The following HSDL2 variants were observed in gnomAD, a reference collection of about 807,000 sequenced individuals.
HSDL2 encodes the protein hydroxysteroid dehydrogenase-like protein 2.
A neutral mutation model predicts 46.3 loss-of-function variants in HSDL2; 27 were observed. The ratio of observed to expected loss-of-function variants is 0.58; its 90% confidence interval spans 0.43 to 0.80. The LOEUF (loss-of-function observed/expected upper bound fraction) is 0.80. Among genes scored for constraint, HSDL2 ranks in the 30% least tolerant of loss-of-function variants. The pLI is 0.00. For synonymous variants in HSDL2, 153 were observed against 163.6 expected (o/e 0.94, Z 0.50); for missense variants, 451 against 502.7 (o/e 0.90, Z 0.98).
In HSDL2 at chr9:112,459,487, A is replaced by C. The variant is rs1484405301; in HGVS notation, c.1054A>C (p.Lys352Gln). The C allele has an allele frequency of 6.2e-7, 1 of 1,613,890 alleles. No individual in the cohort carries two copies. The highest frequency in any genetic ancestry group is 1.3e-5 in the African/African-American group (1 of 74,940). Residue 352 changes from lysine to glutamine, a missense_variant, in exon 10 of 11, where the codon AAG becomes CAG. Coordinates refer to ENST00000398805, the MANE Select transcript of HSDL2 (RefSeq NM_032303.5). Reference sequence around the variant, plus strand: ...CACGTGGTTTCTTGATCTGAAAAGCAAGGGTGGGAATGTCGGATATGGAGA... The same window carrying C: ...CACGTGGTTTCTTGATCTGAAAAGCCAGGGTGGGAATGTCGGATATGGAGA... ...GGTWFLDLKS[K>Q]GGNVGYGEPS...
intron 1 of HSDL2, among the ~76,000 whole-genome samples, chr9:112,395,932 C>T (rs372168771): frequency 6.6e-6 from 1 of 152,124 alleles, no homozygotes; most frequent in Admixed American, 6.6e-5. Context: ...AGATTTCCCT[C>T]GTAGAGGAAC....
chr9:112,450,598 C>A, intron 8 of HSDL2, among the ~76,000 whole-genome samples: 1 of 145,214 alleles, frequency 6.9e-6, no homozygotes. Context: ...CACTGCACTC[C>A]AGCCTAGGTG....
intron 2 of HSDL2, 24 bp downstream of exon 2, chr9:112,404,182 T>C: frequency 6.2e-7 from 1 of 1,607,054 alleles, no homozygotes. Flanking sequence ...TGCCATTTGA[T>C]AAAATGTCTT....
chr9:112,408,853 T>C, intron 3 of HSDL2, 54 bp from the exon 4 acceptor site: 4 of 945,840 alleles, frequency 4.2e-6, no homozygotes, highest in Admixed American at 2.0e-5. Context: ...AACGCTTTTT[T>C]TGTGTGTGAT....
At chr9:112,459,052 T>G (rs1388785418) in intron 9 of HSDL2, among the ~76,000 whole-genome samples, 1 of 152,100 alleles carries the variant, frequency 6.6e-6, no homozygotes, top group Non-Finnish European at 1.5e-5. Context: ...TCACCATCTA[T>G]CTCCAGAACT....
intron 8 of HSDL2, among the ~76,000 whole-genome samples, chr9:112,453,060 C>G (rs891611566): frequency 2.0e-5 from 3 of 152,158 alleles, no homozygotes; most frequent in African/African-American, 4.8e-5. Flanking sequence ...TGAGCATTCT[C>G]TCTTTCTGAG....
At chr9:112,462,662 G>T (rs572442010) in intron 10 of HSDL2, among the ~76,000 whole-genome samples, 2 of 148,454 alleles carry the variant, frequency 1.3e-5, no homozygotes, top group Non-Finnish European at 3.0e-5. Flanking sequence ...GAGCTTACTA[G>T]CTTTTTAAAA....
At chr9:112,444,658 A>G (rs144406522) in intron 8 of HSDL2, among the ~76,000 whole-genome samples, 3 of 152,110 alleles carry the variant, frequency 2.0e-5, no homozygotes, top group Non-Finnish European at 4.4e-5. Context: ...GGATCACTTG[A>G]GTTCAGGAGT....
chr9:112,382,486 T>C (rs368180381), intron 1 of HSDL2, among the ~76,000 whole-genome samples: 10 of 152,336 alleles, frequency 6.6e-5, no homozygotes, highest in African/African-American at 2.4e-4. Flanking sequence ...TGGATCTCTT[T>C]GTGTATTTAA....
At chr9:112,392,151 G>C (rs188348340) in intron 1 of HSDL2, among the ~76,000 whole-genome samples, 18 of 152,126 alleles carry the variant, frequency 1.2e-4, no homozygotes, top group African/African-American at 4.3e-4. Context: ...TTCAAAAGAG[G>C]GGGAGGTGTA....
At chr9:112,428,553 G>C (rs920903013) in intron 6 of HSDL2, among the ~76,000 whole-genome samples, 3 of 152,208 alleles carry the variant, frequency 2.0e-5, no homozygotes, top group African/African-American at 7.2e-5. Context: ...GTAGCAGCCA[G>C]AGTTGTTTTG....
chr9:112,396,099 C>T (rs1831451036), intron 1 of HSDL2, among the ~76,000 whole-genome samples: 1 of 152,172 alleles, frequency 6.6e-6, no homozygotes, highest in African/African-American at 2.4e-5. Context: ...TATATGTTGA[C>T]TGGGAGCACT....
intron 8 of HSDL2, among the ~76,000 whole-genome samples, chr9:112,451,047 A>G (rs1832875732): frequency 6.6e-6 from 1 of 152,068 alleles, no homozygotes; most frequent in Admixed American, 6.6e-5. Flanking sequence ...TAAAAAATAC[A>G]AAAAATTAGC....
At chr9:112,409,551 A>G (rs1360691691) in intron 4 of HSDL2, among the ~76,000 whole-genome samples, 2 of 152,172 alleles carry the variant, frequency 1.3e-5, no homozygotes, top group Non-Finnish European at 2.9e-5. Flanking sequence ...AGGAAAGACT[A>G]AAGTAGGCTG....
At chr9:112,426,111 T>C (rs1832237752) in intron 6 of HSDL2, among the ~76,000 whole-genome samples, 1 of 152,186 alleles carries the variant, frequency 6.6e-6, no homozygotes, top group African/African-American at 2.4e-5. Flanking sequence ...CTTTGCTTCT[T>C]TGGGTTTGTG....
chr9:112,417,723 C>CT (rs1462098035), intron 5 of HSDL2, among the ~76,000 whole-genome samples: 8 of 151,616 alleles, frequency 5.3e-5, no homozygotes, highest in Non-Finnish European at 1.0e-4. Context: ...CATTTGCAGC[C>CT]TTTTTTTATT....
chr9:112,394,476 G>A (rs1831415916), intron 1 of HSDL2, among the ~76,000 whole-genome samples: 1 of 152,140 alleles, frequency 6.6e-6, no homozygotes, highest in Admixed American at 6.5e-5. Context: ...GCCCTTTGGT[G>A]CCCAGTCTAT....
At chr9:112,411,940 G>T (rs1831877121) in intron 4 of HSDL2, among the ~76,000 whole-genome samples, 1 of 152,096 alleles carries the variant, frequency 6.6e-6, no homozygotes, top group Non-Finnish European at 1.5e-5. Context: ...TTGAACTAAG[G>T]CTTAGTTAAG....
intron 10 of HSDL2, among the ~76,000 whole-genome samples, chr9:112,469,120 C>G (rs1833487939): frequency 6.6e-6 from 1 of 152,090 alleles, no homozygotes; most frequent in Non-Finnish European, 1.5e-5. Flanking sequence ...GGACACAGCT[C>G]AGTTTATTCA....
Sources: gnomAD v4.1 joint callset for allele counts (sites outside exome capture counted in the v4.1 genomes callset) on GRCh38, gnomAD v4.1.1 for gene constraint, MANE v1.5 for transcripts, NCBI Gene and HGNC (gene_info 2026-07-23, HGNC 2026-07-21) for gene names.